Variants in HIBCH observed in about 807,000 individuals in gnomAD.
The protein encoded by HIBCH is 3-hydroxyisobutyryl-CoA hydrolase.
HIBCH carries 50 observed loss-of-function variants against 58.2 expected under a neutral mutation model. That is an observed-to-expected ratio of 0.86 (90% CI 0.68 to 1.09). The LOEUF (loss-of-function observed/expected upper bound fraction) is 1.09. Ranked by LOEUF, HIBCH falls within the 50% of genes least tolerant of loss-of-function variation. The pLI is 0.00. For synonymous variants in HIBCH, 151 were observed against 146.9 expected, an observed-to-expected ratio of 1.03 and a Z score of -0.20; for missense variants, 450 against 449.7, an observed-to-expected ratio of 1.00 and a Z score of -0.01.
Position 190,254,058 on chromosome 2 carries a change from TC to T in HIBCH, c.518-1752del, listed in dbSNP as rs1459479877. ...GCTCCATATTAGGCTACCTCCTCTT[TC>T]CTATATATACATTTTCCTTAACTCC... On this transcript the variant is annotated intron_variant, in intron 7 of 13. Transcript: ENST00000359678. This position sits in a 1 kb window ranked among gnomAD's most constrained non-coding sequence, Gnocchi z 5.0. 6.6e-6 allele frequency among the ~76,000 whole-genome samples: 1 copy of T among 152,078 alleles called. No homozygotes were observed. Among genetic ancestry groups the T allele is most frequent in the Non-Finnish European group, 1.5e-5 (1 of 68,020 alleles).
intron 7 of HIBCH, among the ~76,000 whole-genome samples, chr2:190,259,628 A>T (rs1219720304): frequency 6.6e-6 from 1 of 152,128 alleles, no homozygotes; most frequent in Non-Finnish European, 1.5e-5. Flanking sequence ...TTTGTAAATG[A>T]AATTGTTTTC....
intron 8 of HIBCH, chr2:190,251,407 G>A: frequency 3.1e-6 from 1 of 323,922 alleles, no homozygotes; most frequent in Non-Finnish European, 6.4e-6. Context: ...AATAAGATAA[G>A]CCAGTCCAGT....
At chr2:190,298,795 T>C (rs1053193209) in intron 2 of HIBCH, among the ~76,000 whole-genome samples, 1 of 152,198 alleles carries the variant, frequency 6.6e-6, no homozygotes, top group Non-Finnish European at 1.5e-5. Flanking sequence ...TTGCTTTTGG[T>C]GTTTTAGTTA....
intron 1 of HIBCH, among the ~76,000 whole-genome samples, chr2:190,318,771 A>G (rs1377383890): frequency 6.6e-6 from 1 of 152,212 alleles, no homozygotes; most frequent in Non-Finnish European, 1.5e-5. Context: ...CATTTACTAA[A>G]TCTCTCCATG....
chr2:190,258,905 T>G (rs1687006223), intron 7 of HIBCH, among the ~76,000 whole-genome samples: 2 of 152,346 alleles, frequency 1.3e-5, no homozygotes. Context: ...ATTCTTGGCA[T>G]CTTTCTTGAA....
At position 190,204,376 on chromosome 2, in the gene HIBCH, A is replaced by C. The variant is rs1195087236; in HGVS notation, c.*741T>G. On this transcript the variant is annotated 3_prime_UTR_variant, in exon 14 of 14. Transcript: ENST00000359678. ...TCTACCAGATTAACAAATATCACAA[A>C]TAACAAGAAAATAATCCTTTCAGTT... 6.6e-6 allele frequency: 1 copy of C among 152,086 alleles called. No homozygotes were observed. Among genetic ancestry groups the C allele is most frequent in the Admixed American group, 6.5e-5 (1 of 15,268 alleles). 9.4% of individuals were successfully genotyped at this position (152,086 alleles called of 1,614,324 possible).
intron 1 of HIBCH, among the ~76,000 whole-genome samples, chr2:190,319,340 C>A (rs937928552): frequency 6.6e-6 from 1 of 152,196 alleles, no homozygotes; most frequent in Non-Finnish European, 1.5e-5. Flanking sequence ...TGGCAAAGCA[C>A]CTGTGTGTGC....
At position 190,281,305 on chromosome 2, in the gene HIBCH, C is replaced by T. The variant is rs1160927218; in HGVS notation, c.438+6281G>A. Reference sequence around the variant, plus strand: ...TGCAGAATTAGCACCACATGGATGCCACCAAGGCTTATGGCTTATATCTTC... The same window carrying T: ...TGCAGAATTAGCACCACATGGATGCTACCAAGGCTTATGGCTTATATCTTC... On this transcript the variant is annotated intron_variant, in intron 6 of 13. Coordinates refer to ENST00000359678, the MANE Select transcript of HIBCH (RefSeq NM_014362.4). This position sits in a 1 kb window ranked among gnomAD's most constrained non-coding sequence, Gnocchi z 5.4. 4.6e-5 allele frequency among the ~76,000 whole-genome samples: 7 copies of T among 152,184 alleles called. No homozygotes were observed. Among genetic ancestry groups the T allele is most frequent in the Non-Finnish European group, 1.5e-5 (1 of 68,040 alleles).
At chr2:190,292,661 A>C (rs1687989016) in intron 4 of HIBCH, among the ~76,000 whole-genome samples, 1 of 152,156 alleles carries the variant, frequency 6.6e-6, no homozygotes, top group Non-Finnish European at 1.5e-5. Flanking sequence ...TATCATTCTG[A>C]GGTTTCACTT....
In HIBCH at chr2:190,290,612, T is replaced by C. The variant is rs1687935573; in HGVS notation, c.305-127A>G. 4.3e-6 allele frequency: 3 copies of C among 693,392 alleles called. No individual in the cohort carries two copies. The East Asian group carries it at 8.1e-5, about 19-fold the overall frequency. 43.0% of individuals were successfully genotyped at this position (693,392 alleles called of 1,614,324 possible). A position where few individuals can be genotyped will look rare whatever the true frequency, so the allele number is the denominator to read the frequency against. Reference sequence around the variant, plus strand: ...ACTCTAAAATGACTTGTTAAAAGTTTTGAAGTTGCCCCTGCCACAGACATT... The same window carrying C: ...ACTCTAAAATGACTTGTTAAAAGTTCTGAAGTTGCCCCTGCCACAGACATT... On this transcript the variant is annotated intron_variant, in intron 4 of 13. Transcript: ENST00000359678.
Position 190,196,148 on chromosome 2 carries a change from C to G in HIBCH, c.*18-6151G>C, listed in dbSNP as rs1053355602. On this transcript the variant is annotated intron_variant, in intron 1 of 1. Transcript: ENST00000399855. ...TTTTCTAATTGTCCCTCCCCAACCC[C>G]CAATGTTCTTCCTTTCCTGTCTTCT... Among the ~76,000 whole-genome samples the G allele has an allele frequency of 2.6e-5, 4 of 151,950 alleles. 1 individual carries two copies. In the East Asian group the frequency reaches 5.8e-4, roughly 22 times the overall value.
chr2:190,227,849 A>G (rs1195841679), intron 11 of HIBCH, among the ~76,000 whole-genome samples: 5 of 152,206 alleles, frequency 3.3e-5, no homozygotes, highest in African/African-American at 9.6e-5. Context: ...CAAAACCACA[A>G]TGAGATACCA....
rs567965483 is a variant in HIBCH at position 190,242,653 on chromosome 2, G to A, written c.891+2234C>T. On this transcript the variant is annotated intron_variant, in intron 11 of 13. Transcript: ENST00000359678. ...CATGAGGTGCTTGCTGAAGACAAAG[G>A]GAATACAGAATGGGTAGTAGGAGGA... is the stretch of plus-strand genomic sequence containing the variant. 3.9e-3 allele frequency among the ~76,000 whole-genome samples: 591 copies of A among 152,168 alleles called. 2 individuals are homozygous for A. The highest frequency in any genetic ancestry group is 6.4e-3 in the Non-Finnish European group (436 of 67,990).
chr2:190,200,258 G>T, downstream of HIBCH: 1 of 864,554 alleles, frequency 1.2e-6, no homozygotes, highest in South Asian at 1.6e-5. Context: ...TTAAAAATGT[G>T]TCTACGATAA....
At position 190,224,801 on chromosome 2, in the gene HIBCH, G is replaced by C. The variant is rs578204395; in HGVS notation, c.892-11726C>G. Among the ~76,000 whole-genome samples, 194 of 152,242 alleles carry C rather than the reference G, an allele frequency of 1.3e-3. 1 individual carries two copies. Among genetic ancestry groups the C allele is most frequent in the African/African-American group, 4.6e-3 (190 of 41,548 alleles). ...CAAGTGGACCTAACAGACATCTACA[G>C]AACTCTCCACCCCAAATCAACAGAA... is the stretch of plus-strand genomic sequence containing the variant. On this transcript the variant is annotated intron_variant, in intron 11 of 13. Transcript: ENST00000359678.
At chr2:190,286,808 T>C (rs1230428577) in intron 6 of HIBCH, among the ~76,000 whole-genome samples, 4 of 151,812 alleles carry the variant, frequency 2.6e-5, no homozygotes, top group Non-Finnish European at 4.4e-5. Flanking sequence ...TCCACTAAGG[T>C]GAAATTTTGA....
At chr2:190,237,402 GAGA>G (rs1410101763) in intron 11 of HIBCH, among the ~76,000 whole-genome samples, 5 of 152,156 alleles carry the variant, frequency 3.3e-5, no homozygotes, top group African/African-American at 9.7e-5. Context: ...TTCCTTCTTA[GAGA>G]AGTAGTATTC....
chr2:190,290,370 T>C, intron 5 of HIBCH, 35 bp downstream of exon 5: 1 of 1,391,074 alleles, frequency 7.2e-7, no homozygotes, highest in South Asian at 1.2e-5. Context: ...CATTTCTTTA[T>C]TCCATTTCCA....
chr2:190,267,294 T>C (rs1687269424), intron 6 of HIBCH, among the ~76,000 whole-genome samples: 2 of 152,074 alleles, frequency 1.3e-5, no homozygotes, highest in African/African-American at 4.8e-5. Context: ...AACTTCTGTG[T>C]CCTGGGTTCA....
Sources: allele counts gnomAD v4.1 joint callset (sites outside exome capture counted in the v4.1 genomes callset), GRCh38; gene constraint gnomAD v4.1.1; non-coding constraint Gnocchi (gnomAD v3.1); transcripts MANE v1.5; gene names NCBI Gene and HGNC (gene_info 2026-07-23, HGNC 2026-07-21).